The following FAR2 variants were observed in gnomAD, a reference collection of about 807,000 sequenced individuals.
FAR2 encodes fatty acyl-CoA reductase 2.
FAR2 carries 19 observed loss-of-function variants against 56.0 expected under a neutral mutation model. The ratio of observed to expected loss-of-function variants is 0.34; its 90% confidence interval spans 0.24 to 0.50. FAR2 has a LOEUF of 0.50. FAR2 is among the 20% of genes least tolerant of loss of function. The pLI is 0.98. For missense variants in FAR2, 508 were observed against 642.2 expected (o/e 0.79, Z 2.26); for synonymous variants, 219 against 218.8 (o/e 1.00, Z -0.01).
At chr12:29,151,798 A>G (rs536328390) in intron 1 of FAR2, 1 of 152,328 alleles carries the variant, frequency 6.6e-6, no homozygotes, top group East Asian at 1.9e-4. Flanking sequence ...AATAAAGACA[A>G]CAGATGACAC....
intron 1 of FAR2, among the ~76,000 whole-genome samples, chr12:29,196,536 G>T (rs76117963): frequency 0.014 from 2,070 of 152,076 alleles, 40 homozygotes; most frequent in African/African-American, 0.048. Context: ...TAATGGAGTT[G>T]GTTCCAGGAA....
intron 1 of FAR2, among the ~76,000 whole-genome samples, chr12:29,174,345 G>T (rs1949915615): frequency 6.6e-6 from 1 of 151,536 alleles, no homozygotes; most frequent in Admixed American, 6.6e-5. Context: ...GAAGGGAATG[G>T]AGTCCTGGAG....
intron 10 of FAR2, among the ~76,000 whole-genome samples, chr12:29,323,802 CAG>C (rs2136817380): frequency 1.3e-5 from 2 of 152,256 alleles, no homozygotes; most frequent in South Asian, 2.1e-4. Context: ...GGGGAAAAAA[CAG>C]AGTAGAAAAA....
At chr12:29,264,543 G>A (rs1412891620) in intron 1 of FAR2, among the ~76,000 whole-genome samples, 1 of 151,860 alleles carries the variant, frequency 6.6e-6, no homozygotes, top group African/African-American at 2.4e-5. Flanking sequence ...GGGAGGTCAA[G>A]GTGGGAGCAT....
At chr12:29,258,647 G>A (rs1209736260) in intron 1 of FAR2, among the ~76,000 whole-genome samples, 2 of 151,928 alleles carry the variant, frequency 1.3e-5, no homozygotes, top group Non-Finnish European at 2.9e-5. Flanking sequence ...TATTTTCTTT[G>A]AGCCTTAAAA....
intron 8 of FAR2, among the ~76,000 whole-genome samples, chr12:29,314,432 CTT>C (rs35073792): frequency 1.9e-4 from 27 of 143,932 alleles, no homozygotes; most frequent in African/African-American, 2.3e-4. Context: ...CCCTGTAGAT[CTT>C]TTTTTTTTTT....
At chr12:29,256,808 C>G (rs76965093) in intron 1 of FAR2, among the ~76,000 whole-genome samples, 6 of 152,346 alleles carry the variant, frequency 3.9e-5, no homozygotes, top group African/African-American at 1.2e-4. Context: ...GGAGGGTGTA[C>G]TGGGTCCCCC....
intron 9 of FAR2, among the ~76,000 whole-genome samples, chr12:29,319,092 G>A (rs1330130142): frequency 6.6e-6 from 1 of 151,786 alleles, no homozygotes; most frequent in Non-Finnish European, 1.5e-5. Context: ...CTGGGTTCAA[G>A]CGATTCTCCT....
chr12:29,220,044 T>G (rs138966092), intron 1 of FAR2, among the ~76,000 whole-genome samples: 1 of 152,330 alleles, frequency 6.6e-6, no homozygotes, highest in Non-Finnish European at 1.5e-5. Context: ...TTAGATATTA[T>G]GATCCCTGCA....
intron 2 of FAR2, among the ~76,000 whole-genome samples, chr12:29,285,988 G>T (rs892797498): frequency 6.6e-6 from 1 of 151,724 alleles, no homozygotes; most frequent in Admixed American, 6.6e-5. Flanking sequence ...CATGATTTTG[G>T]CATACATTTT....
At chr12:29,303,923 A>G (rs71438657) in intron 4 of FAR2, among the ~76,000 whole-genome samples, 4,456 of 152,306 alleles carry the variant, frequency 0.029, 78 homozygotes, top group Middle Eastern at 0.095. Context: ...TTGGCAGGGT[A>G]TTCAGCATCT....
intron 10 of FAR2, among the ~76,000 whole-genome samples, chr12:29,326,082 C>T (rs1447340774): frequency 2.0e-5 from 3 of 152,130 alleles, no homozygotes; most frequent in Admixed American, 2.0e-4. Flanking sequence ...CACCACCGAT[C>T]CCACAGAAAT....
At chr12:29,227,487 A>G (rs868224042) in intron 1 of FAR2, among the ~76,000 whole-genome samples, 1 of 152,134 alleles carries the variant, frequency 6.6e-6, no homozygotes, top group Non-Finnish European at 1.5e-5. Context: ...TTCAGTTATG[A>G]GGAAGAAGTA....
chr12:29,319,780 T>C (rs1396774629), intron 9 of FAR2, among the ~76,000 whole-genome samples: 4 of 152,318 alleles, frequency 2.6e-5, no homozygotes, highest in Non-Finnish European at 4.4e-5. Flanking sequence ...TCGTAACCTA[T>C]TTTATATAGT....
rs747921778 is a variant in FAR2, at chr12:29,293,416, C to G, written c.306C>G (p.Leu102=). 1.2e-6 allele frequency: 2 copies of G among 1,611,346 alleles called. No individual in the cohort carries two copies. The highest frequency in any genetic ancestry group is 1.7e-6 in the Non-Finnish European group (2 of 1,179,092). Residue 102 remains leucine, a synonymous_variant, in exon 3 of 12, where the codon CTC becomes CTG. Coordinates refer to ENST00000536681, the MANE Select transcript of FAR2 (RefSeq NM_001271783.2). ...GCAAAGAGGACATGCAGGAGCTTCT[C>G]TCCTGTACAAACATAATATTTCACT... ...AISKEDMQEL[L]SCTNIIFHCA... is the part of the protein sequence containing the mutation.
At chr12:29,159,516 T>C in intron 1 of FAR2, among the ~76,000 whole-genome samples, 1 of 61,716 alleles carries the variant, frequency 1.6e-5, no homozygotes, top group Admixed American at 2.1e-4. Flanking sequence ...TGAGACTCTG[T>C]CTCGGAAAAA....
At chr12:29,308,709 C>CATATATATATATATATATATAT (rs1428996085) in intron 5 of FAR2, among the ~76,000 whole-genome samples, 45 of 103,682 alleles carry the variant, frequency 4.3e-4, no homozygotes, top group African/African-American at 1.8e-3. Flanking sequence ...CACACACACA[C>CATATATATATATATATATATAT]ACACACACAC....
chr12:29,248,799 G>T (rs1280426801), intron 1 of FAR2, among the ~76,000 whole-genome samples: 1 of 152,142 alleles, frequency 6.6e-6, no homozygotes, highest in East Asian at 1.9e-4. Context: ...CCCACCCCCA[G>T]GTGTGTATTC....
intron 1 of FAR2, among the ~76,000 whole-genome samples, chr12:29,194,530 C>CACAA (rs1483494168): frequency 6.8e-6 from 1 of 146,740 alleles, no homozygotes; most frequent in African/African-American, 2.5e-5. Flanking sequence ...GCCACACACA[C>CACAA]ACACACACAC....
Sources: allele counts gnomAD v4.1 joint callset (sites outside exome capture counted in the v4.1 genomes callset), GRCh38; gene constraint gnomAD v4.1.1; transcripts MANE v1.5; gene names NCBI Gene and HGNC (gene_info 2026-07-23, HGNC 2026-07-21).